FAF1: variants seen among roughly 807,000 people sequenced by gnomAD.
FAF1 encodes Fas associated factor 1.
A neutral mutation model predicts 92.5 loss-of-function variants in FAF1; 25 were observed. The observed-to-expected ratio is 0.27, with a 90% confidence interval of 0.20 to 0.38. The LOEUF (loss-of-function observed/expected upper bound fraction) is 0.38. FAF1 is among the 10% of genes least tolerant of loss of function. The pLI is 1.00. For missense variants in FAF1, 636 were observed against 793.3 expected (o/e 0.80, Z 2.38); for synonymous variants, 234 against 273.2 (o/e 0.86, Z 1.42).
At chr1:50,891,298 G>C (rs957557190) in intron 1 of FAF1, among the ~76,000 whole-genome samples, 1 of 151,932 alleles carries the variant, frequency 6.6e-6, no homozygotes, top group Admixed American at 6.5e-5. Flanking sequence ...TTTGAGATGG[G>C]TTCGAACATC....
At chr1:50,507,168 C>CACTGAATTAA (rs1343470218) in intron 15 of FAF1, among the ~76,000 whole-genome samples, 1 of 152,150 alleles carries the variant, frequency 6.6e-6, no homozygotes, top group Non-Finnish European at 1.5e-5. Flanking sequence ...AACAGATGTG[C>CACTGAATTAA]ACTGAATTAA....
intron 1 of FAF1, among the ~76,000 whole-genome samples, chr1:50,882,411 T>C (rs1466251968): frequency 6.6e-6 from 1 of 151,482 alleles, no homozygotes. Flanking sequence ...CTGGCCAACA[T>C]GGTAAAACCC....
intron 7 of FAF1, among the ~76,000 whole-genome samples, chr1:50,681,674 A>C (rs76364569): frequency 1.5e-5 from 2 of 131,966 alleles, no homozygotes; most frequent in Non-Finnish European, 3.3e-5. Context: ...TGTAATCCCT[A>C]TTTTTTTTTT....
intron 15 of FAF1, among the ~76,000 whole-genome samples, chr1:50,526,897 C>G (rs1647840572): frequency 6.6e-6 from 1 of 151,648 alleles, no homozygotes; most frequent in African/African-American, 2.4e-5. Flanking sequence ...GCTCTGTTGC[C>G]CAGCTGGAGT....
intron 2 of FAF1, among the ~76,000 whole-genome samples, chr1:50,844,126 T>A (rs947877434): frequency 5.9e-5 from 9 of 152,264 alleles, no homozygotes; most frequent in Admixed American, 3.9e-4. Context: ...TCCCTGATGA[T>A]TAGTGATGCT....
intron 15 of FAF1, among the ~76,000 whole-genome samples, chr1:50,521,970 C>G (rs976710196): frequency 6.6e-6 from 1 of 152,192 alleles, no homozygotes; most frequent in African/African-American, 2.4e-5. Flanking sequence ...TTATTAACTT[C>G]TACTGTGAGG....
intron 7 of FAF1, among the ~76,000 whole-genome samples, chr1:50,700,646 A>G (rs150324990): frequency 6.6e-6 from 1 of 152,256 alleles, no homozygotes; most frequent in African/African-American, 2.4e-5. Flanking sequence ...CTCTTAACCC[A>G]GGCATTTCAA....
At chr1:50,685,388 G>A (rs530204296) in intron 7 of FAF1, among the ~76,000 whole-genome samples, 2 of 152,298 alleles carry the variant, frequency 1.3e-5, no homozygotes, top group South Asian at 4.1e-4. Flanking sequence ...TCCGTGTAGC[G>A]AGATAGAAGG....
At position 50,583,628 on chromosome 1, in the gene FAF1, A is replaced by G; in HGVS notation, c.1031+24T>C. 1 of 1,414,376 alleles carries G rather than the reference A, an allele frequency of 7.1e-7. No individual in the cohort carries two copies. Among genetic ancestry groups the G allele is most frequent in the Non-Finnish European group, 9.6e-7 (1 of 1,042,784 alleles). 87.6% of individuals were successfully genotyped at this position (1,414,376 alleles called of 1,614,324 possible). On this transcript the variant is annotated intron_variant, in intron 11 of 18. Coordinates refer to ENST00000396153, the MANE Select transcript of FAF1 (RefSeq NM_007051.3). The surrounding 1 kb of genome is among the most constrained non-coding windows in gnomAD (Gnocchi z 4.2). ...AGTAGCATAAAACAGCATCAAATTT[A>G]TATAGTTAATGTCCTAACCCTACCT...
intron 9 of FAF1, among the ~76,000 whole-genome samples, chr1:50,588,418 T>C (rs1028294268): frequency 1.3e-5 from 2 of 152,208 alleles, no homozygotes; most frequent in African/African-American, 4.8e-5. Context: ...TTCCTTATGA[T>C]CCTTGTATTC....
At chr1:50,548,116 T>G (rs1360412749) in intron 13 of FAF1, among the ~76,000 whole-genome samples, 6 of 152,206 alleles carry the variant, frequency 3.9e-5, no homozygotes, top group Non-Finnish European at 8.8e-5. Context: ...ATAACATTTC[T>G]TCTGTGTTTT....
At chr1:50,749,431 C>T (rs1659757989) in intron 4 of FAF1, among the ~76,000 whole-genome samples, 1 of 152,106 alleles carries the variant, frequency 6.6e-6, no homozygotes, top group South Asian at 2.1e-4. Context: ...TTTTGTTCCA[C>T]AGAAAGAGAG....
chr1:50,736,926 T>C (rs1189184460), intron 6 of FAF1, among the ~76,000 whole-genome samples: 1 of 152,132 alleles, frequency 6.6e-6, no homozygotes, highest in Non-Finnish European at 1.5e-5. Flanking sequence ...ATATATGCTA[T>C]TTTAAAAATC....
At chr1:50,567,428 G>A (rs1306218820) in intron 12 of FAF1, among the ~76,000 whole-genome samples, 197 bp from the exon 13 acceptor site, 2 of 152,010 alleles carry the variant, frequency 1.3e-5, no homozygotes, top group African/African-American at 2.4e-5. Flanking sequence ...ACTTTAAAAA[G>A]GCTGGGATGA....
At chr1:50,942,395 C>T (rs1645140739) in intron 1 of FAF1, among the ~76,000 whole-genome samples, 1 of 151,924 alleles carries the variant, frequency 6.6e-6, no homozygotes, top group African/African-American at 2.4e-5. Flanking sequence ...CATGATGGTG[C>T]CACTGCACCA....
intron 15 of FAF1, among the ~76,000 whole-genome samples, chr1:50,511,488 A>G (rs927937593): frequency 6.6e-6 from 1 of 152,074 alleles, no homozygotes; most frequent in Non-Finnish European, 1.5e-5. Flanking sequence ...ATGAGTGAGA[A>G]CATGTGGTGT....
chr1:50,694,180 G>A (rs1022129690), intron 7 of FAF1, among the ~76,000 whole-genome samples: 3 of 151,860 alleles, frequency 2.0e-5, no homozygotes, highest in African/African-American at 7.3e-5. Context: ...AACATCTCCC[G>A]ATTCAACAGC....
At chr1:50,769,264 A>G (rs909032478) in intron 4 of FAF1, among the ~76,000 whole-genome samples, 4 of 152,212 alleles carry the variant, frequency 2.6e-5, no homozygotes, top group African/African-American at 9.6e-5. Context: ...TTAATCCCTG[A>G]ACAGACCAAT....
intron 16 of FAF1, among the ~76,000 whole-genome samples, chr1:50,491,031 A>G (rs1646833357): frequency 6.6e-6 from 1 of 152,014 alleles, no homozygotes; most frequent in African/African-American, 2.4e-5. Flanking sequence ...TCCATCCTCC[A>G]TGCATTCTGG....
Sources: gnomAD v4.1 joint callset for allele counts (sites outside exome capture counted in the v4.1 genomes callset) on GRCh38, gnomAD v4.1.1 for gene constraint, Gnocchi (gnomAD v3.1) non-coding constraint, MANE v1.5 for transcripts, NCBI Gene and HGNC (gene_info 2026-07-23, HGNC 2026-07-21) for gene names.